Variants in PALMD observed in about 807,000 individuals in gnomAD.
PALMD encodes the protein paralemmin-like protein.
PALMD carries 42 observed loss-of-function variants against 56.2 expected under a neutral mutation model. The observed-to-expected ratio is 0.75, with a 90% CI of 0.58 to 0.97. PALMD has a LOEUF of 0.97. PALMD is among the 50% of genes least tolerant of loss of function. PALMD has a pLI of 0.00. For missense variants in PALMD, 660 were observed against 643.8 expected (o/e 1.03, Z -0.27); for synonymous variants, 242 against 222.9 (o/e 1.09, Z -0.76).
chr1:99,654,950 A>G (rs1229593418), intron 1 of PALMD, among the ~76,000 whole-genome samples: 1 of 152,182 alleles, frequency 6.6e-6, no homozygotes, highest in Non-Finnish European at 1.5e-5. Flanking sequence ...AACTATGGCT[A>G]TTAATCAATA....
chr1:99,687,068 T>C lies in PALMD; in HGVS notation c.401-8T>C. 6.4e-7 allele frequency: 1 copy of C among 1,572,688 alleles called. No individual in the cohort carries two copies. The highest frequency in any genetic ancestry group is 1.1e-5 in the South Asian group (1 of 87,388). On this transcript the variant is annotated splice_region_variant and splice_polypyrimidine_tract_variant and intron_variant, in intron 5 of 7. Coordinates refer to ENST00000263174, the MANE Select transcript of PALMD (RefSeq NM_017734.5). ...TAAATGTATTTTGAATTCATATTAA[T>C]TTTACAGAGTCAATTGAGGACATCT... is the stretch of plus-strand genomic sequence containing the variant.
At chr1:99,693,669 A>C (rs1156872457) in intron 7 of PALMD, among the ~76,000 whole-genome samples, 1 of 152,234 alleles carries the variant, frequency 6.6e-6, no homozygotes, top group Non-Finnish European at 1.5e-5. Context: ...TTGGCAGTAC[A>C]TAACTCAGAA....
At chr1:99,670,107 T>C (rs12057574) in intron 3 of PALMD, among the ~76,000 whole-genome samples, 1,602 of 152,292 alleles carry the variant, frequency 0.011, 30 homozygotes, top group African/African-American at 0.037. Context: ...GTTCTGTCCC[T>C]TTGCTCTCCT....
chr1:99,661,037 A>T (rs890189773), intron 1 of PALMD, among the ~76,000 whole-genome samples: 7 of 152,220 alleles, frequency 4.6e-5, no homozygotes, highest in Admixed American at 2.6e-4. Context: ...TTATCTTCAA[A>T]ATAGTCACAT....
intron 1 of PALMD, among the ~76,000 whole-genome samples, chr1:99,659,492 T>C (rs1652800767): frequency 6.6e-6 from 1 of 152,210 alleles, no homozygotes; most frequent in South Asian, 2.1e-4. Flanking sequence ...CAGCTATCTA[T>C]AGAAGTGCTC....
intron 1 of PALMD, among the ~76,000 whole-genome samples, chr1:99,657,220 C>T (rs1225456913): frequency 6.6e-6 from 1 of 152,146 alleles, no homozygotes; most frequent in Non-Finnish European, 1.5e-5. Flanking sequence ...TTCCAACTGC[C>T]TAGCAGATAA....
chr1:99,674,981 T>A (rs1302278560), intron 3 of PALMD, among the ~76,000 whole-genome samples: 2 of 152,196 alleles, frequency 1.3e-5, no homozygotes, highest in Admixed American at 1.3e-4. Context: ...TCAAAAAACT[T>A]CCACACCCAC....
At chr1:99,674,087 C>T (rs1201864316) in intron 3 of PALMD, among the ~76,000 whole-genome samples, 1 of 152,120 alleles carries the variant, frequency 6.6e-6, no homozygotes, top group Non-Finnish European at 1.5e-5. Context: ...AAACAATTAT[C>T]AATGGCATGT....
chr1:99,690,060 G>C, intron 7 of PALMD, 188 bp downstream of exon 7: 1 of 517,672 alleles, frequency 1.9e-6, no homozygotes, highest in South Asian at 4.0e-5. Context: ...AAAAGATAAA[G>C]AAAGTAAAAA....
intron 2 of PALMD, among the ~76,000 whole-genome samples, chr1:99,663,433 T>A (rs1015545365): frequency 2.9e-4 from 43 of 147,336 alleles, no homozygotes; most frequent in Admixed American, 6.8e-4. Context: ...CAATGAAATT[T>A]AAAAAAAAAA....
intron 7 of PALMD, among the ~76,000 whole-genome samples, chr1:99,691,566 T>A (rs937084416): frequency 6.6e-6 from 1 of 152,194 alleles, no homozygotes; most frequent in East Asian, 1.9e-4. Context: ...CAATTCGGCA[T>A]ACAGACTACA....
chr1:99,681,173 T>A (rs1190915016), intron 3 of PALMD, among the ~76,000 whole-genome samples: 1 of 151,788 alleles, frequency 6.6e-6, no homozygotes. Context: ...CGGACTTTAA[T>A]CCTTGTTAGA....
chr1:99,686,796 C>A lies in PALMD; in HGVS notation c.366+6C>A. 1 of 1,472,690 alleles carries A rather than the reference C, an allele frequency of 6.8e-7. No individual in the cohort carries two copies. The highest frequency in any genetic ancestry group is 9.4e-7 in the Non-Finnish European group (1 of 1,060,720). 91.2% of individuals were successfully genotyped at this position (1,472,690 alleles called of 1,614,324 possible). A position where few individuals can be genotyped will look rare whatever the true frequency, so the allele number is the denominator to read the frequency against. ...CAACAGAAGACATTATAAGAGTGAG[C>A]ATTAACCAATTTTAAAACTGTAATT... On this transcript the variant is annotated splice_donor_region_variant and intron_variant, in intron 4 of 7. Transcript: ENST00000263174.
chr1:99,661,716 A>G (rs919724748), intron 1 of PALMD, among the ~76,000 whole-genome samples: 1 of 152,088 alleles, frequency 6.6e-6, no homozygotes, highest in African/African-American at 2.4e-5. Context: ...TGTAATTTAA[A>G]CTTGGTGAAA....
Position 99,674,076 on chromosome 1 carries a change from T to G in PALMD, c.251+6310T>G, listed in dbSNP as rs111348157. On this transcript the variant is annotated intron_variant, in intron 3 of 7. Transcript: ENST00000263174. Reference sequence around the variant, plus strand: ...AAATGGTAGTAGTGCCCTGGTTTTTTAAACAATTATCAATGGCATGTTTTA... The same window carrying G: ...AAATGGTAGTAGTGCCCTGGTTTTTGAAACAATTATCAATGGCATGTTTTA... 5.9e-3 allele frequency among the ~76,000 whole-genome samples: 896 copies of G among 152,304 alleles called. 9 individuals carry two copies. Among genetic ancestry groups the G allele is most frequent in the African/African-American group, 0.021 (859 of 41,570 alleles).
intron 1 of PALMD, 123 bp downstream of exon 1, chr1:99,646,485 G>A (rs1279485659): frequency 4.0e-6 from 3 of 759,162 alleles, no homozygotes; most frequent in East Asian, 5.0e-5. Flanking sequence ...CTTCATGGAC[G>A]AGTCTCTGTT....
At chr1:99,650,393 G>A (rs1416378246) in intron 1 of PALMD, among the ~76,000 whole-genome samples, 1 of 146,148 alleles carries the variant, frequency 6.8e-6, no homozygotes, top group African/African-American at 2.6e-5. Flanking sequence ...TTCTTGACTT[G>A]TAAATATAGG....
intron 1 of PALMD, among the ~76,000 whole-genome samples, chr1:99,657,570 G>A (rs1003974498): frequency 6.6e-6 from 1 of 152,082 alleles, no homozygotes; most frequent in Non-Finnish European, 1.5e-5. Context: ...ACACAATGAG[G>A]CCATATTCAA....
At chr1:99,664,819 A>G (rs1652924652) in intron 2 of PALMD, among the ~76,000 whole-genome samples, 1 of 152,144 alleles carries the variant, frequency 6.6e-6, no homozygotes, top group African/African-American at 2.4e-5. Context: ...AAACTAGTTC[A>G]CTATACTTCA....
Sources: gnomAD v4.1 joint callset for allele counts (sites outside exome capture counted in the v4.1 genomes callset) on GRCh38, gnomAD v4.1.1 for gene constraint, MANE v1.5 for transcripts, NCBI Gene and HGNC (gene_info 2026-07-23, HGNC 2026-07-21) for gene names.